Variants in ATRN observed in about 807,000 individuals in gnomAD.
ATRN encodes attractin.
Under a neutral mutation model 178.7 loss-of-function variants are expected in ATRN, and 54 were observed. The ratio of observed to expected loss-of-function variants is 0.30; its 90% confidence interval spans 0.24 to 0.38. ATRN has a LOEUF of 0.38. ATRN is among the 10% of genes least tolerant of loss of function. The probability of loss-of-function intolerance (pLI) is 1.00; values close to 1 mark genes in which losing one functional copy is unlikely to be tolerated. For missense variants in ATRN, 1,443 were observed against 1,815.1 expected, an observed-to-expected ratio of 0.79 and a Z score of 3.73; for synonymous variants, 636 against 663.0, an observed-to-expected ratio of 0.96 and a Z score of 0.63.
intron 27 of ATRN, among the ~76,000 whole-genome samples, chr20:3,642,161 C>T (rs936232418): frequency 1.3e-5 from 2 of 152,136 alleles, no homozygotes; most frequent in African/African-American, 4.8e-5. Flanking sequence ...TGCGTCAGGC[C>T]CTGCCTTTGT....
At chr20:3,595,764 A>G (rs1351486550) in intron 20 of ATRN, among the ~76,000 whole-genome samples, 1 of 152,178 alleles carries the variant, frequency 6.6e-6, no homozygotes, top group African/African-American at 2.4e-5. Flanking sequence ...GCCATTACCC[A>G]CTTCCCGCCC....
At position 3,584,867 on chromosome 20, in the gene ATRN, C is replaced by G; in HGVS notation, c.3171C>G (p.Phe1057Leu). 1.9e-6 allele frequency: 3 copies of G among 1,614,046 alleles called. No homozygotes were observed. The highest frequency in any genetic ancestry group is 2.5e-6 in the Non-Finnish European group (3 of 1,179,882). The change falls in exon 18 of 29, where the codon TTC becomes TTG. Residue 1057 changes from phenylalanine to leucine, a missense_variant. Transcript: ENST00000262919. ...AGGACAGCAGATACAACTGGTCTTT[C>G]ATTCACTGTCCAGGTAAGATGCCTT... is the stretch of plus-strand genomic sequence containing the variant. ...CLEDSRYNWS[F>L]IHCPACQCNG...
At chr20:3,567,557 G>A (rs1352193719) in intron 11 of ATRN, among the ~76,000 whole-genome samples, 1 of 152,148 alleles carries the variant, frequency 6.6e-6, no homozygotes, top group African/African-American at 2.4e-5. Context: ...GACAGGATTG[G>A]GTAGGTGGCA....
chr20:3,540,212 T>A lies in ATRN; in HGVS notation c.495-10T>A. ...ACTTTATTATAAATTACTTTTTTTA[T>A]TCTTTTCAGGCCAAATAGAATAATG... On this transcript the variant is annotated splice_polypyrimidine_tract_variant and intron_variant, in intron 2 of 28. Transcript: ENST00000262919. The A allele has an allele frequency of 1.3e-6, 2 of 1,503,474 alleles. No homozygotes were observed. The highest frequency in any genetic ancestry group is 1.8e-6 in the Non-Finnish European group (2 of 1,102,562). 93.1% of individuals were successfully genotyped at this position (1,503,474 alleles called of 1,614,324 possible). A position where few individuals can be genotyped will look rare whatever the true frequency, so the allele number is the denominator to read the frequency against.
rs558023237 is a variant in ATRN, at chr20:3,602,286, C to T, written c.3643+1262C>T. Among the ~76,000 whole-genome samples, 16 of 151,632 alleles carry T rather than the reference C, an allele frequency of 1.1e-4. 1 individual carries two copies. The East Asian group carries it at 2.7e-3, about 26-fold the overall frequency. ...TAGAGGTTGCTGTGAGCCGAGATCA[C>T]GCCACTGCACTCCAGCTTGGGTGAC... On this transcript the variant is annotated intron_variant, in intron 23 of 28. Coordinates refer to ENST00000262919, the MANE Select transcript of ATRN (RefSeq NM_139321.3).
At chr20:3,588,987 T>G (rs1246772910) in intron 18 of ATRN, among the ~76,000 whole-genome samples, 1 of 134,976 alleles carries the variant, frequency 7.4e-6, no homozygotes, top group Non-Finnish European at 1.6e-5. Context: ...TTTTGTTTTT[T>G]TTTTTTTTTT....
intron 1 of ATRN, among the ~76,000 whole-genome samples, chr20:3,477,745 A>G (rs765800721): frequency 2.6e-5 from 4 of 152,262 alleles, no homozygotes; most frequent in African/African-American, 4.8e-5. Flanking sequence ...CATAGTGAGC[A>G]GTAAATATCT....
chr20:3,530,760 T>C (rs1483685834), intron 1 of ATRN, among the ~76,000 whole-genome samples: 1 of 152,150 alleles, frequency 6.6e-6, no homozygotes, highest in East Asian at 1.9e-4. Flanking sequence ...TCCAAGGTAC[T>C]TGACCATAAA....
intron 1 of ATRN, among the ~76,000 whole-genome samples, chr20:3,501,703 G>A (rs750243691): frequency 2.0e-5 from 3 of 152,200 alleles, no homozygotes; most frequent in Non-Finnish European, 4.4e-5. Context: ...ACTCAGGGGC[G>A]AGGGCCAACT....
At chr20:3,570,426 C>T (rs760531229) in intron 11 of ATRN, among the ~76,000 whole-genome samples, 29 of 152,142 alleles carry the variant, frequency 1.9e-4, no homozygotes, top group Non-Finnish European at 3.4e-4. Flanking sequence ...AAGATCACTT[C>T]ATAGGTTTAT....
At chr20:3,525,990 C>T (rs1287567027) in intron 1 of ATRN, among the ~76,000 whole-genome samples, 1 of 152,070 alleles carries the variant, frequency 6.6e-6, no homozygotes, top group Non-Finnish European at 1.5e-5. Context: ...AAAACTGGCA[C>T]AAGACAAGGA....
chr20:3,584,039 C>T lies in ATRN; in HGVS notation c.2906C>T (p.Pro969Leu), dbSNP rs1312217507. Residue 969 changes from proline to leucine, a missense_variant, in exon 17 of 29, where the codon CCT becomes CTT. Pro to Leu is a moderately conservative substitution (Grantham distance 98). Coordinates refer to ENST00000262919, the MANE Select transcript of ATRN (RefSeq NM_139321.3). Reference sequence around the variant, plus strand: ...TCCAATGCCTACGTGGCCTCCTTCCCTTTTGGCCAGTGTATGGAATGGTAT... The same window carrying T: ...TCCAATGCCTACGTGGCCTCCTTCCTTTTTGGCCAGTGTATGGAATGGTAT... ...VDSNAYVASF[P>L]FGQCMEWYTM... 1.2e-6 allele frequency: 2 copies of T among 1,614,126 alleles called. No homozygotes were observed. Among genetic ancestry groups the T allele is most frequent in the East Asian group, 2.2e-5 (1 of 44,862 alleles).
At chr20:3,541,377 T>C (rs991624760) in intron 3 of ATRN, among the ~76,000 whole-genome samples, 1 of 152,138 alleles carries the variant, frequency 6.6e-6, no homozygotes, top group Admixed American at 6.5e-5. Flanking sequence ...GCGCCCGGCC[T>C]AGAGGATTTT....
chr20:3,588,922 G>T (rs1386158783), intron 18 of ATRN, among the ~76,000 whole-genome samples: 1 of 149,316 alleles, frequency 6.7e-6, no homozygotes, highest in African/African-American at 2.5e-5. Context: ...GTTTTTCTAG[G>T]AATTTGTCTA....
At chr20:3,521,760 C>G (rs927460383) in intron 1 of ATRN, among the ~76,000 whole-genome samples, 14 of 152,080 alleles carry the variant, frequency 9.2e-5, no homozygotes, top group African/African-American at 3.4e-4. Flanking sequence ...AGTCTCAATA[C>G]ATTTAAAAGA....
intron 6 of ATRN, among the ~76,000 whole-genome samples, chr20:3,552,640 G>A (rs2085806541): frequency 6.6e-6 from 1 of 152,192 alleles, no homozygotes; most frequent in Non-Finnish European, 1.5e-5. Flanking sequence ...TGTAATCAAG[G>A]TGTCAGCTGG....
At chr20:3,567,394 T>G (rs1345361536) in intron 11 of ATRN, among the ~76,000 whole-genome samples, 1 of 152,204 alleles carries the variant, frequency 6.6e-6, no homozygotes, top group Non-Finnish European at 1.5e-5. Flanking sequence ...TTCTTAGGTT[T>G]TATTCAAACT....
chr20:3,538,064 G>A (rs542077825), intron 2 of ATRN, among the ~76,000 whole-genome samples: 70 of 147,326 alleles, frequency 4.8e-4, no homozygotes, highest in African/African-American at 1.6e-3. Flanking sequence ...CCACTAACTC[G>A]TCATCTAGCA....
At chr20:3,547,806 A>G (rs889690416) in intron 5 of ATRN, among the ~76,000 whole-genome samples, 5 of 152,154 alleles carry the variant, frequency 3.3e-5, no homozygotes, top group Non-Finnish European at 7.4e-5. Flanking sequence ...GACAATAATG[A>G]TATTTCCTCA....
Sources: gnomAD v4.1 joint callset for allele counts (sites outside exome capture counted in the v4.1 genomes callset) on GRCh38, gnomAD v4.1.1 for gene constraint, MANE v1.5 for transcripts, NCBI Gene and HGNC (gene_info 2026-07-23, HGNC 2026-07-21) for gene names.